Variants in C1QL4 observed in about 807,000 individuals in gnomAD.
The protein encoded by C1QL4 is complement C1q-like protein 4.
A neutral mutation model predicts 13.4 loss-of-function variants in C1QL4; 5 were observed. That is an observed-to-expected ratio of 0.37 (90% CI 0.19 to 0.78). The LOEUF (loss-of-function observed/expected upper bound fraction) is 0.78, where lower values mean the gene tolerates loss of function less well. Among genes scored for constraint, C1QL4 ranks in the 30% least tolerant of loss-of-function variants. The probability of loss-of-function intolerance (pLI) is 0.47; values close to 1 mark genes in which losing one functional copy is unlikely to be tolerated. For synonymous variants in C1QL4, 168 were observed against 153.9 expected (o/e 1.09, Z -0.68); for missense variants, 367 against 361.6 (o/e 1.01, Z -0.12).
At position 49,333,228 on chromosome 12, in the gene C1QL4, C is replaced by A. The variant is rs981562755; in HGVS notation, c.543G>T (p.Arg181=). ...CCGCGTCCTGAGCAATGGCGCTGGC[C>A]CGGACCTATCGAGGGAGAAGAACCT... The part of the protein sequence containing the change: ...WADLMKNGQV[R]ASAIAQDADQ... Residue 181 remains arginine (R), a synonymous_variant, in exon 2 of 2, where the codon CGG becomes CGT. Transcript: ENST00000334221. The A allele has an allele frequency of 6.2e-7, 1 of 1,613,552 alleles. No homozygotes were observed. The highest frequency in any genetic ancestry group is 1.7e-5 in the Admixed American group (1 of 59,996).
At position 49,336,779 on chromosome 12, in the gene C1QL4, T is replaced by C. The variant is rs1943637389; in HGVS notation, c.-302A>G. The C allele has an allele frequency of 2.6e-6, 1 of 385,016 alleles. No individual in the cohort carries two copies. The highest frequency in any genetic ancestry group is 2.1e-5 in the African/African-American group (1 of 47,588). The allele number at this position is 385,016 out of a possible 1,614,324, so 23.8% of individuals were successfully genotyped here. ...GCTCCCGACGGTCCAGAGCCAGTGG[T>C]CCTCTAGTACCCTCCCGTTCAGTCC... is the stretch of plus-strand genomic sequence containing the variant. On this transcript the variant is annotated 5_prime_UTR_variant, in exon 1 of 2. Coordinates refer to ENST00000334221, the MANE Select transcript of C1QL4 (RefSeq NM_001008223.2). This position sits in a 1 kb window ranked among gnomAD's most constrained non-coding sequence, Gnocchi z 7.7.
intron 1 of C1QL4, among the ~76,000 whole-genome samples, chr12:49,334,281 G>C (rs899609105): frequency 2.0e-5 from 3 of 152,256 alleles, no homozygotes; most frequent in African/African-American, 7.2e-5. Flanking sequence ...TCCTCATGGA[G>C]GGTTGGCTTC....
Position 49,332,928 on chromosome 12 carries a change from C to G in C1QL4, c.*126G>C. ...AGAGTTCGCCCATTTAGGCCGCCTC[C>G]GGGAACGGAAGGGTCCACCCCACCG... On this transcript the variant is annotated 3_prime_UTR_variant, in exon 2 of 2. Coordinates refer to ENST00000334221, the MANE Select transcript of C1QL4 (RefSeq NM_001008223.2). 9.6e-7 allele frequency: 1 copy of G among 1,039,990 alleles called. No homozygotes were observed. Among genetic ancestry groups the G allele is most frequent in the South Asian group, 1.7e-5 (1 of 59,892 alleles). 64.4% of individuals were successfully genotyped at this position (1,039,990 alleles called of 1,614,324 possible). A position where few individuals can be genotyped will look rare whatever the true frequency, so the allele number is the denominator to read the frequency against.
At chr12:49,335,146 G>A (rs1943622384) in intron 1 of C1QL4, among the ~76,000 whole-genome samples, 1 of 152,282 alleles carries the variant, frequency 6.6e-6, no homozygotes, top group Admixed American at 6.5e-5. Context: ...CTGCCCACAA[G>A]GGCAGGGAAC....
rs1357021291 is a variant in C1QL4 at position 49,336,481 on chromosome 12, C to T, written c.-4G>A. 6.6e-7 allele frequency: 1 copy of T among 1,509,636 alleles called. No individual in the cohort carries two copies. The highest frequency in any genetic ancestry group is 8.7e-7 in the Non-Finnish European group (1 of 1,144,636). 93.5% of individuals were successfully genotyped at this position (1,509,636 alleles called of 1,614,324 possible). ...CCACCAGCAGCAGCAGCACCATGGC[C>T]ACTCCGACGGCCGCGCCCGCCACCC... is the stretch of plus-strand genomic sequence containing the variant. On this transcript the variant is annotated 5_prime_UTR_variant, in exon 1 of 2. Transcript: ENST00000334221. The surrounding 1 kb of genome is among the most constrained non-coding windows in gnomAD (Gnocchi z 7.7).
Position 49,336,738 on chromosome 12 carries a change from G to T in C1QL4, c.-261C>A. The T allele has an allele frequency of 2.2e-6, 1 of 450,450 alleles. No homozygotes were observed. Among genetic ancestry groups the T allele is most frequent in the African/African-American group, 2.1e-5 (1 of 48,578 alleles). 27.9% of individuals were successfully genotyped at this position (450,450 alleles called of 1,614,324 possible). The stretch of plus-strand genomic sequence containing the variant: ...GTCCGTCAAGGGGAGGCCCCTCGTG[G>T]GTTACGTCAGGGGCAGCTCCCGACG... On this transcript the variant is annotated 5_prime_UTR_variant, in exon 1 of 2. Transcript: ENST00000334221. This position sits in a 1 kb window ranked among gnomAD's most constrained non-coding sequence, Gnocchi z 7.7.
rs1943636029 is a variant in C1QL4 at position 49,336,632 on chromosome 12, T to G, written c.-155A>C. 3.5e-6 allele frequency: 3 copies of G among 852,716 alleles called. No individual in the cohort carries two copies. The East Asian group carries it at 1.0e-4, about 29-fold the overall frequency. 52.8% of individuals were successfully genotyped at this position (852,716 alleles called of 1,614,324 possible). A position where few individuals can be genotyped will look rare whatever the true frequency, so the allele number is the denominator to read the frequency against. On this transcript the variant is annotated 5_prime_UTR_variant, in exon 1 of 2. Transcript: ENST00000334221. This position sits in a 1 kb window ranked among gnomAD's most constrained non-coding sequence, Gnocchi z 7.7. Reference sequence around the variant, plus strand: ...CGGTGACCCGCCTTGGGCCTGGGTCTGCACTCCCCCGACGGCTGCCCCCCG... The same window carrying G: ...CGGTGACCCGCCTTGGGCCTGGGTCGGCACTCCCCCGACGGCTGCCCCCCG...
At chr12:49,334,344 G>T (rs1202825728) in intron 1 of C1QL4, among the ~76,000 whole-genome samples, 1 of 152,222 alleles carries the variant, frequency 6.6e-6, no homozygotes, top group Non-Finnish European at 1.5e-5. Context: ...TGCGGGCCAT[G>T]ATAAGGTGCA....
At chr12:49,334,432 G>A (rs1943615940) in intron 1 of C1QL4, among the ~76,000 whole-genome samples, 1 of 152,206 alleles carries the variant, frequency 6.6e-6, no homozygotes, top group Non-Finnish European at 1.5e-5. Context: ...GTCGTCTTCT[G>A]CCAGAACAGG....
chr12:49,332,757 C>G lies in C1QL4; in HGVS notation c.*297G>C. On this transcript the variant is annotated 3_prime_UTR_variant, in exon 2 of 2. Coordinates refer to ENST00000334221, the MANE Select transcript of C1QL4 (RefSeq NM_001008223.2). ...CTGAGTCCCGCTATTAAAACTGCTC[C>G]CCATCTCTGTACAAAAGAGAAAGCC... 1 of 354,018 alleles carries G rather than the reference C, an allele frequency of 2.8e-6. No homozygotes were observed. Among genetic ancestry groups the G allele is most frequent in the Non-Finnish European group, 5.1e-6 (1 of 194,868 alleles). The allele number at this position is 354,018 out of a possible 1,614,324, so 21.9% of individuals were successfully genotyped here. A position where few individuals can be genotyped will look rare whatever the true frequency, so the allele number is the denominator to read the frequency against.
At chr12:49,333,793 C>T (rs1037048387) in intron 1 of C1QL4, among the ~76,000 whole-genome samples, 29 of 151,820 alleles carry the variant, frequency 1.9e-4, no homozygotes, top group Non-Finnish European at 3.5e-4. Flanking sequence ...CCACCTCAGC[C>T]TCTCAAAGTG....
Position 49,336,293 on chromosome 12 carries a change from C to CG in C1QL4, c.184dup (p.Arg62ProfsTer209). On this transcript the variant is annotated frameshift_variant, in exon 1 of 2. Transcript: ENST00000334221. LOFTEE classifies it high-confidence loss of function. The surrounding 1 kb of genome is among the most constrained non-coding windows in gnomAD (Gnocchi z 7.7). ...CCCCCGCAGGCCTGCTTTCCCGCGC[C>CG]GGCCCACCTCTCCCTTGGCGCCTGG... The CG allele has an allele frequency of 7.1e-7, 1 of 1,418,012 alleles. No homozygotes were observed. Among genetic ancestry groups the CG allele is most frequent in the Non-Finnish European group, 9.1e-7 (1 of 1,093,956 alleles). The allele number at this position is 1,418,012 out of a possible 1,614,324, so 87.8% of individuals were successfully genotyped here. A position where few individuals can be genotyped will look rare whatever the true frequency, so the allele number is the denominator to read the frequency against.
Position 49,335,935 on chromosome 12 carries a change from T to C in C1QL4, c.537+6A>G. 6.3e-7 allele frequency: 1 copy of C among 1,595,954 alleles called. No individual in the cohort carries two copies. The highest frequency in any genetic ancestry group is 8.5e-7 in the Non-Finnish European group (1 of 1,172,410). On this transcript the variant is annotated splice_donor_region_variant and intron_variant, in intron 1 of 1. Coordinates refer to ENST00000334221, the MANE Select transcript of C1QL4 (RefSeq NM_001008223.2). The stretch of plus-strand genomic sequence containing the variant: ...CTGAGCTGGGTTGGGGAGAGGGGCA[T>C]CTCACCTGTCCGTTCTTCATGAGGT...
In C1QL4 at chr12:49,336,214, G is replaced by A. The variant is rs1385477129; in HGVS notation, c.264C>T (p.Gly88=). The change falls in exon 1 of 2, where the codon GGC becomes GGT. Residue 88 remains glycine, a synonymous_variant. Transcript: ENST00000334221. The surrounding 1 kb of genome is among the most constrained non-coding windows in gnomAD (Gnocchi z 7.7). ...GACCTGGACCGGGAGGGCCCGGGGG[G>A]CCTGGCCTGCCGGGTTCTCCTGGGG... is the stretch of plus-strand genomic sequence containing the variant. ...RGPPGEPGRP[G]PPGPPGPGPG... 8.6e-6 allele frequency: 13 copies of A among 1,520,410 alleles called. No individual in the cohort carries two copies. The highest frequency in any genetic ancestry group is 3.7e-5 in the South Asian group (3 of 80,056). The allele number at this position is 1,520,410 out of a possible 1,614,324, so 94.2% of individuals were successfully genotyped here. A position where few individuals can be genotyped will look rare whatever the true frequency, so the allele number is the denominator to read the frequency against.
Position 49,336,673 on chromosome 12 carries a change from C to T in C1QL4, c.-196G>A, listed in dbSNP as rs1370531534. ...CTGCCCCCCGCTCCCCTTACCCTGC[C>T]TCTGCGGGCTCCAGCCGCGGCGGTG... On this transcript the variant is annotated 5_prime_UTR_variant, in exon 1 of 2. Transcript: ENST00000334221. The surrounding 1 kb of genome is among the most constrained non-coding windows in gnomAD (Gnocchi z 7.7). 5.1e-6 allele frequency: 3 copies of T among 589,944 alleles called. No homozygotes were observed. The African/African-American group carries it at 5.9e-5, about 12-fold the overall frequency. The allele number at this position is 589,944 out of a possible 1,614,324, so 36.5% of individuals were successfully genotyped here. A position where few individuals can be genotyped will look rare whatever the true frequency, so the allele number is the denominator to read the frequency against.
chr12:49,333,681 C>T lies in C1QL4; in HGVS notation c.538-448G>A, dbSNP rs148569192. ...CCTCCCTAGTAGCTGGGATTACAGACGCCTACTACCACGCCCAGCTAATTT... is the reference window on the plus strand; with the variant it reads ...CCTCCCTAGTAGCTGGGATTACAGATGCCTACTACCACGCCCAGCTAATTT... On this transcript the variant is annotated intron_variant, in intron 1 of 1. Transcript: ENST00000334221. Among the ~76,000 whole-genome samples the T allele has an allele frequency of 7.0e-4, 105 of 151,006 alleles. No homozygotes were observed. In the East Asian group the frequency reaches 0.013, roughly 19 times the overall value.
chr12:49,336,608 G>A lies in C1QL4; in HGVS notation c.-131C>T. On this transcript the variant is annotated 5_prime_UTR_variant, in exon 1 of 2. Transcript: ENST00000334221. The surrounding 1 kb of genome is among the most constrained non-coding windows in gnomAD (Gnocchi z 7.7). ...CGGGGCTCTCCGCGGGCCAGGAGGC[G>A]GTGACCCGCCTTGGGCCTGGGTCTG... 1 of 1,111,078 alleles carries A rather than the reference G, an allele frequency of 9.0e-7. No homozygotes were observed. Among genetic ancestry groups the A allele is most frequent in the South Asian group, 2.0e-5 (1 of 49,526 alleles). The allele number at this position is 1,111,078 out of a possible 1,614,324, so 68.8% of individuals were successfully genotyped here.
chr12:49,334,190 T>C (rs1305771581), intron 1 of C1QL4, among the ~76,000 whole-genome samples: 1 of 152,076 alleles, frequency 6.6e-6, no homozygotes, highest in African/African-American at 2.4e-5. Context: ...CGAAACTGTC[T>C]CAAAAAATAA....
intron 1 of C1QL4, among the ~76,000 whole-genome samples, chr12:49,333,829 C>T (rs367743565): frequency 6.6e-6 from 1 of 151,678 alleles, no homozygotes; most frequent in Non-Finnish European, 1.5e-5. Flanking sequence ...TGAGCCACCG[C>T]GCCTGGCTCA....
Sources: allele counts gnomAD v4.1 joint callset (sites outside exome capture counted in the v4.1 genomes callset), GRCh38; gene constraint gnomAD v4.1.1; non-coding constraint Gnocchi (gnomAD v3.1); transcripts MANE v1.5; gene names NCBI Gene and HGNC (gene_info 2026-07-23, HGNC 2026-07-21).